Variants in ARID1B observed in about 807,000 individuals in gnomAD.
The protein encoded by ARID1B is AT-rich interactive domain-containing protein 1B.
Under a neutral mutation model 212.3 loss-of-function variants are expected in ARID1B, and 30 were observed. That is an observed-to-expected ratio of 0.14 (90% CI 0.11 to 0.19). The LOEUF is 0.19. Ranked by LOEUF, ARID1B falls within the 10% of genes least tolerant of loss-of-function variation. The probability of loss-of-function intolerance (pLI) is 1.00; values close to 1 mark genes in which losing one functional copy is unlikely to be tolerated. For missense variants in ARID1B, 2,891 were observed against 3,204.0 expected, an observed-to-expected ratio of 0.90 and a Z score of 2.36; for synonymous variants, 1,402 against 1,301.7, an observed-to-expected ratio of 1.08 and a Z score of -1.66.
intron 19 of ARID1B, chr6:157,204,671 G>A (rs1794326951): frequency 6.6e-6 from 1 of 152,176 alleles, no homozygotes; most frequent in Admixed American, 6.5e-5. Flanking sequence ...TTTGTTCAGA[G>A]GTAGGCTTCA....
At chr6:156,893,175 T>C (rs557434900) in intron 2 of ARID1B, among the ~76,000 whole-genome samples, 1 of 151,922 alleles carries the variant, frequency 6.6e-6, no homozygotes, top group Non-Finnish European at 1.5e-5. Flanking sequence ...CCTGAGCAGC[T>C]GGGATCACAG....
intron 4 of ARID1B, among the ~76,000 whole-genome samples, chr6:157,021,383 C>T (rs1011514075): frequency 6.6e-6 from 1 of 152,240 alleles, no homozygotes; most frequent in African/African-American, 2.4e-5. Flanking sequence ...GGAATTAACC[C>T]TGCCGCGGAG....
chr6:157,201,393 C>T lies in ARID1B; in HGVS notation c.5168C>T (p.Pro1723Leu), dbSNP rs1728897975. The T allele has an allele frequency of 6.3e-7, 1 of 1,598,832 alleles. No individual in the cohort carries two copies. The highest frequency in any genetic ancestry group is 1.7e-5 in the Admixed American group (1 of 59,006). Reference sequence around the variant, plus strand: ...GTCACCGGGCCACCACCCCAACCACCCCCAATCAGAAGGGAGATCACCTTT... The same window carrying T: ...GTCACCGGGCCACCACCCCAACCACTCCCAATCAGAAGGGAGATCACCTTT... ...SQVTGPPPQPPPIRREITFPP... is the reference protein window; with the variant it reads ...SQVTGPPPQPLPIRREITFPP... The change falls in exon 18 of 20, where the codon CCC becomes CTC. Residue 1723 changes from proline (P) to leucine (L), a missense_variant. Coordinates refer to ENST00000636930, the MANE Select transcript of ARID1B (RefSeq NM_001374828.1). The surrounding 1 kb of genome is among the most constrained non-coding windows in gnomAD (Gnocchi z 5.2).
At chr6:156,892,883 A>T (rs534629158) in intron 2 of ARID1B, among the ~76,000 whole-genome samples, 1 of 152,228 alleles carries the variant, frequency 6.6e-6, no homozygotes, top group African/African-American at 2.4e-5. Flanking sequence ...TCCAAAGCTG[A>T]TGTGAAAATT....
At chr6:157,174,424 A>G (rs762970664) in intron 10 of ARID1B, 2 of 252,102 alleles carry the variant, frequency 7.9e-6, no homozygotes, top group Non-Finnish European at 1.5e-5. Context: ...CGGTACTTGC[A>G]GCCATTTTCT....
intron 4 of ARID1B, chr6:157,024,751 A>G (rs561712554): frequency 2.0e-5 from 3 of 152,358 alleles, no homozygotes; most frequent in Admixed American, 1.3e-4. Context: ...AGTGTTGGCA[A>G]CAGAGTGAGA....
intron 4 of ARID1B, among the ~76,000 whole-genome samples, chr6:156,971,535 A>G (rs1776924892): frequency 1.3e-5 from 2 of 152,164 alleles, no homozygotes; most frequent in South Asian, 4.2e-4. Flanking sequence ...ACTCATTTGG[A>G]GGCTTAAAAC....
At chr6:156,802,255 T>C (rs1780843546) in intron 1 of ARID1B, among the ~76,000 whole-genome samples, 1 of 152,230 alleles carries the variant, frequency 6.6e-6, no homozygotes, top group Non-Finnish European at 1.5e-5. Flanking sequence ...ACTTCCTGTT[T>C]GCAAACATTT....
chr6:157,003,053 G>T (rs73578084), intron 4 of ARID1B, among the ~76,000 whole-genome samples: 16 of 152,166 alleles, frequency 1.1e-4, no homozygotes, highest in Non-Finnish European at 4.4e-5. Context: ...GTGGGAGGCC[G>T]GGAGGATGGT....
At chr6:156,897,300 G>C (rs1053877978) in intron 2 of ARID1B, among the ~76,000 whole-genome samples, 1 of 76,512 alleles carries the variant, frequency 1.3e-5, no homozygotes, top group African/African-American at 4.4e-5. Context: ...TTGAGACAGA[G>C]TCTTGCCCTG....
At chr6:157,138,170 C>G (rs1789067229) in intron 7 of ARID1B, among the ~76,000 whole-genome samples, 1 of 152,010 alleles carries the variant, frequency 6.6e-6, no homozygotes, top group African/African-American at 2.4e-5. Flanking sequence ...GGATTTCAGT[C>G]TCTACTCTTC....
intron 7 of ARID1B, among the ~76,000 whole-genome samples, chr6:157,142,727 C>T (rs1390973202): frequency 6.6e-6 from 1 of 152,136 alleles, no homozygotes; most frequent in Non-Finnish European, 1.5e-5. Context: ...AAGATAAATG[C>T]ATATTTAGCC....
intron 3 of ARID1B, among the ~76,000 whole-genome samples, chr6:156,932,560 T>C (rs983280447): frequency 3.3e-5 from 5 of 152,262 alleles, no homozygotes; most frequent in African/African-American, 1.2e-4. Flanking sequence ...TTATAAAATA[T>C]GATGCTGAAC....
At chr6:157,050,400 C>T (rs1446163281) in intron 4 of ARID1B, among the ~76,000 whole-genome samples, 1 of 152,064 alleles carries the variant, frequency 6.6e-6, no homozygotes, top group Non-Finnish European at 1.5e-5. Flanking sequence ...AAAAATTAGC[C>T]AGGCGTGGTG....
intron 7 of ARID1B, among the ~76,000 whole-genome samples, chr6:157,145,376 G>A (rs1292451065): frequency 6.6e-6 from 1 of 152,162 alleles, no homozygotes; most frequent in African/African-American, 2.4e-5. Context: ...GAGCAATCGT[G>A]ATAGAGACTG....
chr6:157,135,547 C>T (rs564237055), intron 7 of ARID1B, among the ~76,000 whole-genome samples: 3 of 152,256 alleles, frequency 2.0e-5, no homozygotes, highest in African/African-American at 7.2e-5. Flanking sequence ...ACCTTGTTCC[C>T]CTCCAAGGCA....
chr6:157,041,305 T>C (rs1447139590), intron 4 of ARID1B, among the ~76,000 whole-genome samples: 2 of 152,230 alleles, frequency 1.3e-5, no homozygotes, highest in African/African-American at 4.8e-5. Flanking sequence ...TATGTGTACA[T>C]ATGTGATTAC....
intron 4 of ARID1B, among the ~76,000 whole-genome samples, chr6:157,067,557 G>A (rs1346237531): frequency 6.6e-6 from 1 of 152,108 alleles, no homozygotes; most frequent in African/African-American, 2.4e-5. Context: ...CTGCTCAAAT[G>A]TGCATGTATA....
intron 1 of ARID1B, among the ~76,000 whole-genome samples, chr6:156,793,505 T>C (rs1300450185): frequency 5.3e-5 from 8 of 152,094 alleles, no homozygotes; most frequent in Admixed American, 5.2e-4. Flanking sequence ...CTGCCTACTT[T>C]TCAAAATTTT....
Sources: allele counts gnomAD v4.1 joint callset (sites outside exome capture counted in the v4.1 genomes callset), GRCh38; gene constraint gnomAD v4.1.1; non-coding constraint Gnocchi (gnomAD v3.1); transcripts MANE v1.5; gene names NCBI Gene and HGNC (gene_info 2026-07-23, HGNC 2026-07-21).